CELSR1: variants seen among roughly 807,000 people sequenced by gnomAD.
CELSR1 encodes the protein adhesion G protein-coupled receptor C1.
In CELSR1, 110 loss-of-function variants were observed where a neutral mutation model predicts 249.1. The ratio of observed to expected loss-of-function variants is 0.44; its 90% confidence interval spans 0.38 to 0.52. The LOEUF (loss-of-function observed/expected upper bound fraction) is 0.52, where lower values mean the gene tolerates loss of function less well. Ranked by LOEUF, CELSR1 falls within the 20% of genes least tolerant of loss-of-function variation. The pLI, the probability that CELSR1 is intolerant of heterozygous loss-of-function variation, is 0.00. For missense variants in CELSR1, 4,109 were observed against 4,296.4 expected (o/e 0.96, Z 1.22); for synonymous variants, 2,113 against 1,900.0 (o/e 1.11, Z -2.92).
At chr22:46,385,867 C>T (rs9615357) in intron 19 of CELSR1, among the ~76,000 whole-genome samples, 42,833 of 151,018 alleles carry the variant, frequency 0.28, 9,924 homozygotes, top group African/African-American at 0.65. Flanking sequence ...TTAGTAGAGA[C>T]GGGGTTTCAC....
chr22:46,465,341 C>T (rs2080085099), intron 1 of CELSR1, among the ~76,000 whole-genome samples: 1 of 148,294 alleles, frequency 6.7e-6, no homozygotes, highest in South Asian at 2.2e-4. Context: ...CTGCCCATGG[C>T]CCCCACAAGA....
At chr22:46,420,102 G>T (rs1204698069) in intron 5 of CELSR1, among the ~76,000 whole-genome samples, 1 of 141,852 alleles carries the variant, frequency 7.0e-6, no homozygotes, top group Admixed American at 7.0e-5. Context: ...ACCCACACTC[G>T]TGCATACTCA....
chr22:46,384,415 C>T lies in CELSR1; in HGVS notation c.6883+128G>A, dbSNP rs1029079373. 48 of 1,125,984 alleles carry T rather than the reference C, an allele frequency of 4.3e-5. No individual in the cohort carries two copies. The Middle Eastern group carries it at 6.7e-4, about 16-fold the overall frequency. 69.7% of individuals were successfully genotyped at this position (1,125,984 alleles called of 1,614,324 possible). A position where few individuals can be genotyped will look rare whatever the true frequency, so the allele number is the denominator to read the frequency against. ...TGCTGTCACCAACAGGACCTGGCACCAGAGAGCACTCGGAACACTCTGGCC... is the reference window on the plus strand; with the variant it reads ...TGCTGTCACCAACAGGACCTGGCACTAGAGAGCACTCGGAACACTCTGGCC... On this transcript the variant is annotated intron_variant, in intron 20 of 34. Coordinates refer to ENST00000674500, the MANE Select transcript of CELSR1 (RefSeq NM_001378328.1).
chr22:46,380,913 C>T lies in CELSR1; in HGVS notation c.7131G>A (p.Thr2377=), dbSNP rs752153740. ...RPIINTPMVS[T]LVYSEGAPLP... is the part of the protein sequence containing the mutation. Reference sequence around the variant, plus strand: ...GCGGAGCCCCCTCGCTGTACACCAGCGTGCTCACCATCGGGGTATTAATGA... The same window carrying T: ...GCGGAGCCCCCTCGCTGTACACCAGTGTGCTCACCATCGGGGTATTAATGA... Residue 2377 remains threonine (T), a synonymous_variant, in exon 22 of 35, where the codon ACG becomes ACA. Transcript: ENST00000674500. This position sits in a 1 kb window ranked among gnomAD's most constrained non-coding sequence, Gnocchi z 5.1. The T allele has an allele frequency of 8.7e-6, 14 of 1,613,692 alleles. No homozygotes were observed. Among genetic ancestry groups the T allele is most frequent in the Admixed American group, 5.0e-5 (3 of 60,020 alleles).
At chr22:46,510,803 T>C (rs2080565515) in intron 1 of CELSR1, among the ~76,000 whole-genome samples, 1 of 152,162 alleles carries the variant, frequency 6.6e-6, no homozygotes, top group Non-Finnish European at 1.5e-5. Context: ...CTGATAAAGC[T>C]TTAAAGATTC....
Position 46,395,493 on chromosome 22 carries a change from C to T in CELSR1, c.5843+1112G>A, listed in dbSNP as rs2079138102. On this transcript the variant is annotated intron_variant, in intron 13 of 34. Coordinates refer to ENST00000674500, the MANE Select transcript of CELSR1 (RefSeq NM_001378328.1). The surrounding 1 kb of genome is among the most constrained non-coding windows in gnomAD (Gnocchi z 5.5). ...AGAATGCCCTCCCGCTTCAGCCACA[C>T]TGGCTCCCACCTCCCTCTCCACTCC... Among the ~76,000 whole-genome samples, 2 of 142,702 alleles carry T rather than the reference C, an allele frequency of 1.4e-5. No homozygotes were observed. Among genetic ancestry groups the T allele is most frequent in the South Asian group, 2.2e-4 (1 of 4,488 alleles). 93.6% of individuals were successfully genotyped at this position (142,702 alleles called of 152,430 possible). A position where few individuals can be genotyped will look rare whatever the true frequency, so the allele number is the denominator to read the frequency against.
Position 46,390,362 on chromosome 22 carries a change from G to C in CELSR1, c.6345+30C>G. 2 of 1,560,756 alleles carry C rather than the reference G, an allele frequency of 1.3e-6. No homozygotes were observed. The highest frequency in any genetic ancestry group is 1.8e-6 in the Non-Finnish European group (2 of 1,137,696). ...CATACACGAACACACACGTGCCCCT[G>C]CTGAACACACATCCCCGAGGCGCCC... On this transcript the variant is annotated intron_variant, in intron 17 of 34. Transcript: ENST00000674500. This position sits in a 1 kb window ranked among gnomAD's most constrained non-coding sequence, Gnocchi z 6.3.
Position 46,433,342 on chromosome 22 carries a change from AC to A in CELSR1, c.4611+50del. On this transcript the variant is annotated intron_variant, in intron 5 of 34. Coordinates refer to ENST00000674500, the MANE Select transcript of CELSR1 (RefSeq NM_001378328.1). This position sits in a 1 kb window ranked among gnomAD's most constrained non-coding sequence, Gnocchi z 5.7. ...GAGCCACTGCGCCTCGCCCCAGGGC[AC>A]CTTCTCGAGCCGCCCTGGGGCCAGG... 1.4e-6 allele frequency: 2 copies of A among 1,436,446 alleles called. No homozygotes were observed. Among genetic ancestry groups the A allele is most frequent in the East Asian group, 4.7e-5 (2 of 42,398 alleles). 89.0% of individuals were successfully genotyped at this position (1,436,446 alleles called of 1,614,324 possible). A position where few individuals can be genotyped will look rare whatever the true frequency, so the allele number is the denominator to read the frequency against.
At chr22:46,389,600 T>C in intron 17 of CELSR1, 101 bp from the exon 18 acceptor site, 1 of 1,260,918 alleles carries the variant, frequency 7.9e-7, no homozygotes, top group Non-Finnish European at 1.1e-6. Context: ...CAAGTTTCCT[T>C]GTCAGAAAGG....
chr22:46,467,249 A>T (rs950661945), intron 1 of CELSR1, among the ~76,000 whole-genome samples: 8 of 152,210 alleles, frequency 5.3e-5, no homozygotes, highest in African/African-American at 1.9e-4. Context: ...CTTTGCCAAA[A>T]ATAAATTGTA....
At chr22:46,367,508 G>T (rs146315587) in intron 28 of CELSR1, among the ~76,000 whole-genome samples, 3 of 152,224 alleles carry the variant, frequency 2.0e-5, no homozygotes, top group African/African-American at 7.2e-5. Context: ...GACTTGTGCT[G>T]GCCTGGCACT....
In CELSR1 at chr22:46,380,309, C is replaced by T. The variant is rs183547749; in HGVS notation, c.7256+479G>A. On this transcript the variant is annotated intron_variant, in intron 22 of 34. Transcript: ENST00000674500. The surrounding 1 kb of genome is among the most constrained non-coding windows in gnomAD (Gnocchi z 5.1). Reference sequence around the variant, plus strand: ...AAACTGTGCTGCGGCCAGGTGTGGCCTCTTGGGGGTGAAGCCAGTCCCCAC... The same window carrying T: ...AAACTGTGCTGCGGCCAGGTGTGGCTTCTTGGGGGTGAAGCCAGTCCCCAC... 5.5e-3 allele frequency among the ~76,000 whole-genome samples: 835 copies of T among 152,308 alleles called. 25 individuals are homozygous for T. Among genetic ancestry groups the T allele is most frequent in the East Asian group, 0.017 (88 of 5,182 alleles).
intron 2 of CELSR1, among the ~76,000 whole-genome samples, chr22:46,443,194 G>T (rs11703616): frequency 6.6e-6 from 1 of 152,138 alleles, no homozygotes; most frequent in Non-Finnish European, 1.5e-5. Context: ...GGCTGAAATC[G>T]CTGACGTTTT....
Position 46,536,818 on chromosome 22 carries a change from G to A in CELSR1, c.353C>T (p.Ala118Val). 3.3e-6 allele frequency: 4 copies of A among 1,207,322 alleles called. No individual in the cohort carries two copies. Among genetic ancestry groups the A allele is most frequent in the Non-Finnish European group, 4.1e-6 (4 of 973,250 alleles). 74.8% of individuals were successfully genotyped at this position (1,207,322 alleles called of 1,614,324 possible). A position where few individuals can be genotyped will look rare whatever the true frequency, so the allele number is the denominator to read the frequency against. Residue 118 changes from alanine (A) to valine (V), a missense_variant, in exon 1 of 35, where the codon GCC becomes GTC. Physicochemically the swap from Ala to Val is moderately conservative, Grantham distance 64 (BLOSUM62 0). Transcript: ENST00000674500. Reference protein sequence around the residue: ...RTHLPGCGARARLCGTGARLC... With the variant: ...RTHLPGCGARVRLCGTGARLC... Reference sequence around the variant, plus strand: ...CCGGGCACCGGTTCCGCAGAGCCGGGCACGGGCTCCGCAGCCGGGAAGGTG... The same window carrying A: ...CCGGGCACCGGTTCCGCAGAGCCGGACACGGGCTCCGCAGCCGGGAAGGTG...
intron 5 of CELSR1, among the ~76,000 whole-genome samples, chr22:46,425,811 C>T (rs537870057): frequency 5.9e-5 from 9 of 152,156 alleles, no homozygotes; most frequent in East Asian, 1.9e-4. Context: ...CTTCTTTCTG[C>T]TGGCTTTGGG....
chr22:46,435,858 G>A (rs1175288058), intron 4 of CELSR1, among the ~76,000 whole-genome samples: 1 of 151,904 alleles, frequency 6.6e-6, no homozygotes, highest in Non-Finnish European at 1.5e-5. Flanking sequence ...GCACCACCAC[G>A]CCCAGCTAAT....
chr22:46,364,985 C>T (rs2147154583), intron 32 of CELSR1, among the ~76,000 whole-genome samples: 1 of 152,332 alleles, frequency 6.6e-6, no homozygotes, highest in South Asian at 2.1e-4. Flanking sequence ...CTCACCTGGA[C>T]CTTGCGGTGA....
In CELSR1 at chr22:46,500,379, TCACATTTA is replaced by T. The variant is rs2080454858; in HGVS notation, c.3544+33240_3544+33247del. ...AGCCCCCTCCCCCATGGCGCAGAGA[TCACATTTA>T]CAGCGGTGGCGGTAACCATGGAAAC... On this transcript the variant is annotated intron_variant, in intron 1 of 34. Coordinates refer to ENST00000674500, the MANE Select transcript of CELSR1 (RefSeq NM_001378328.1). The surrounding 1 kb of genome is among the most constrained non-coding windows in gnomAD (Gnocchi z 4.9). Among the ~76,000 whole-genome samples the T allele has an allele frequency of 6.6e-6, 1 of 152,122 alleles. No homozygotes were observed. Among genetic ancestry groups the T allele is most frequent in the South Asian group, 2.1e-4 (1 of 4,816 alleles).
In CELSR1 at chr22:46,396,589, C is replaced by G; in HGVS notation, c.5843+16G>C. On this transcript the variant is annotated intron_variant, in intron 13 of 34. Transcript: ENST00000674500. The surrounding 1 kb of genome is among the most constrained non-coding windows in gnomAD (Gnocchi z 6.4). Reference sequence around the variant, plus strand: ...GGACTCTGAAGGTGCAGGGAGGCACCAGGGGCTGCTCTTACTTGTTCTCAC... The same window carrying G: ...GGACTCTGAAGGTGCAGGGAGGCACGAGGGGCTGCTCTTACTTGTTCTCAC... The G allele has an allele frequency of 6.5e-7, 1 of 1,544,492 alleles. No individual in the cohort carries two copies. The highest frequency in any genetic ancestry group is 8.7e-7 in the Non-Finnish European group (1 of 1,147,878).
Sources: allele counts gnomAD v4.1 joint callset (sites outside exome capture counted in the v4.1 genomes callset), GRCh38; gene constraint gnomAD v4.1.1; non-coding constraint Gnocchi (gnomAD v3.1); transcripts MANE v1.5; gene names NCBI Gene and HGNC (gene_info 2026-07-23, HGNC 2026-07-21).